Variants in LDB2 observed in about 807,000 individuals in gnomAD.
LDB2 encodes LIM domain binding 2.
LDB2 carries 12 observed loss-of-function variants against 44.3 expected under a neutral mutation model. The observed-to-expected ratio is 0.27, with a 90% CI of 0.17 to 0.44. LDB2 has a LOEUF of 0.44. Ranked by LOEUF, LDB2 falls within the 20% of genes least tolerant of loss-of-function variation. LDB2 has a pLI of 1.00. For synonymous variants in LDB2, 164 were observed against 174.8 expected (o/e 0.94, Z 0.49); for missense variants, 344 against 473.5 (o/e 0.73, Z 2.54).
intron 1 of LDB2, among the ~76,000 whole-genome samples, chr4:16,782,174 G>A (rs891569583): frequency 9.2e-5 from 14 of 152,026 alleles, no homozygotes; most frequent in African/African-American, 3.1e-4. Flanking sequence ...CTAAGCCTTC[G>A]TACCATGACG....
chr4:16,888,704 A>C, intron 1 of LDB2: 18 of 984,332 alleles, frequency 1.8e-5, no homozygotes, highest in Non-Finnish European at 2.2e-5. Context: ...AATCCAGAAT[A>C]AGTGTATCGT....
At chr4:16,776,446 A>T (rs1771921407) in intron 1 of LDB2, among the ~76,000 whole-genome samples, 1 of 152,220 alleles carries the variant, frequency 6.6e-6, no homozygotes, top group Non-Finnish European at 1.5e-5. Context: ...TCTAAATTCC[A>T]TCTCTTCCAA....
intron 1 of LDB2, among the ~76,000 whole-genome samples, chr4:16,807,681 GC>G (rs2109815173): frequency 6.6e-6 from 1 of 152,318 alleles, no homozygotes; most frequent in African/African-American, 2.4e-5. Context: ...AGAAACACAA[GC>G]CCTTCCTGCC....
At chr4:16,848,293 A>C (rs1787501605) in intron 1 of LDB2, among the ~76,000 whole-genome samples, 1 of 152,256 alleles carries the variant, frequency 6.6e-6, no homozygotes, top group African/African-American at 2.4e-5. Context: ...TGAAAAGCTC[A>C]ATTTGGAGAA....
chr4:16,542,930 C>G (rs1734367074), intron 5 of LDB2, among the ~76,000 whole-genome samples: 1 of 113,074 alleles, frequency 8.8e-6, no homozygotes, highest in South Asian at 3.8e-4. Context: ...CCCCCTCCCC[C>G]CACCCCACCA....
At chr4:16,567,396 ATGCG>A (rs1439655980) in intron 5 of LDB2, among the ~76,000 whole-genome samples, 7 of 11,866 alleles carry the variant, frequency 5.9e-4, no homozygotes, top group Middle Eastern at 0.083. Context: ...GCGTGTGTGC[ATGCG>A]TGTGTGTGCA....
At chr4:16,868,862 C>G (rs4698158) in intron 1 of LDB2, among the ~76,000 whole-genome samples, 40,198 of 151,912 alleles carry the variant, frequency 0.26, 6,077 homozygotes, top group East Asian at 0.68. Flanking sequence ...GATGATGATG[C>G]TGTTGACAAT....
intron 2 of LDB2, among the ~76,000 whole-genome samples, chr4:16,622,606 T>TA (rs1729198067): frequency 6.6e-6 from 1 of 152,212 alleles, no homozygotes; most frequent in African/African-American, 2.4e-5. Flanking sequence ...TAGAAACTAT[T>TA]AAGGGGTTTG....
At chr4:16,685,448 GA>G (rs546524721) in intron 2 of LDB2, among the ~76,000 whole-genome samples, 1 of 151,890 alleles carries the variant, frequency 6.6e-6, no homozygotes, top group Non-Finnish European at 1.5e-5. Flanking sequence ...AACTGCTCTA[GA>G]AAAAACCTTT....
At chr4:16,688,770 A>G (rs1749884379) in intron 2 of LDB2, among the ~76,000 whole-genome samples, 2 of 152,234 alleles carry the variant, frequency 1.3e-5, no homozygotes, top group African/African-American at 4.8e-5. Flanking sequence ...AAGAACATAC[A>G]AAGTCTTGTA....
chr4:16,661,717 C>T (rs1741644943), intron 2 of LDB2, among the ~76,000 whole-genome samples: 1 of 152,070 alleles, frequency 6.6e-6, no homozygotes, highest in Non-Finnish European at 1.5e-5. Context: ...ACTTAGGGCC[C>T]AGGCATCAGT....
At chr4:16,791,554 C>CAAAAAAAAAAAAA (rs1775737712) in intron 1 of LDB2, among the ~76,000 whole-genome samples, 2 of 3,634 alleles carry the variant, frequency 5.5e-4, no homozygotes, top group Non-Finnish European at 3.9e-3. Context: ...GACTCTGGCT[C>CAAAAAAAAAAAAA]AGAAAAAAAA....
At chr4:16,651,926 C>G (rs1159669926) in intron 2 of LDB2, among the ~76,000 whole-genome samples, 2 of 152,116 alleles carry the variant, frequency 1.3e-5, no homozygotes, top group African/African-American at 4.8e-5. Flanking sequence ...TACTATATCC[C>G]AAGAATTCTA....
Position 16,857,346 on chromosome 4 carries a change from C to T in LDB2, c.132+41008G>A, listed in dbSNP as rs549416820. ...CTTCTACTACTCACATCCAAGCCAC[C>T]ATCCTTGCTAGTCTGAACTGAAAAA... On this transcript the variant is annotated intron_variant, in intron 1 of 7. Transcript: ENST00000304523. Among the ~76,000 whole-genome samples, 3 of 152,344 alleles carry T rather than the reference C, an allele frequency of 2.0e-5. No individual in the cohort carries two copies. In the South Asian group the frequency reaches 6.2e-4, roughly 32 times the overall value.
intron 1 of LDB2, among the ~76,000 whole-genome samples, chr4:16,776,138 G>C (rs148885322): frequency 3.2e-3 from 483 of 152,296 alleles, no homozygotes; most frequent in African/African-American, 0.01. Flanking sequence ...TTCTGTTCCT[G>C]ATACTTCTTT....
intron 1 of LDB2, among the ~76,000 whole-genome samples, chr4:16,892,452 A>C (rs960557931): frequency 2.6e-5 from 4 of 152,188 alleles, no homozygotes; most frequent in Admixed American, 2.0e-4. Context: ...AAATTTAAAA[A>C]GAAGGAAAAC....
At chr4:16,511,953 A>G (rs1379444159) in intron 6 of LDB2, 28 bp downstream of exon 6, 1 of 1,591,594 alleles carries the variant, frequency 6.3e-7, no homozygotes, top group Non-Finnish European at 8.5e-7. Context: ...AAACGTGTTT[A>G]GAGAGAGAGT....
chr4:16,756,048 T>C (rs1766577116), intron 2 of LDB2, among the ~76,000 whole-genome samples: 1 of 152,198 alleles, frequency 6.6e-6, no homozygotes, highest in African/African-American at 2.4e-5. Flanking sequence ...AGAGGGTCAA[T>C]ACTGAGGAGC....
intron 2 of LDB2, among the ~76,000 whole-genome samples, chr4:16,690,492 A>AAGGAAGGAAGGAAGGAAGGAT (rs1750418276): frequency 1.3e-4 from 1 of 7,886 alleles, no homozygotes; most frequent in African/African-American, 3.6e-4. Flanking sequence ...GGAGGGAGGG[A>AAGGAAGGAAGGAAGGAAGGAT]GGGAGGGAGG....
Sources: gnomAD v4.1 joint callset for allele counts (sites outside exome capture counted in the v4.1 genomes callset) on GRCh38, gnomAD v4.1.1 for gene constraint, MANE v1.5 for transcripts, NCBI Gene and HGNC (gene_info 2026-07-23, HGNC 2026-07-21) for gene names.